The following PCDHGA11 variants were observed in gnomAD, a reference collection of about 807,000 sequenced individuals.
PCDHGA11 encodes the protein protocadherin gamma subfamily A, 11, also known as protocadherin gamma-A11.
In PCDHGA11, 39 loss-of-function variants were observed where a neutral mutation model predicts 60.4. The ratio of observed to expected loss-of-function variants is 0.65; its 90% CI spans 0.50 to 0.84. The LOEUF is 0.84. Among genes scored for constraint, PCDHGA11 ranks in the 40% least tolerant of loss-of-function variants. PCDHGA11 has a pLI of 0.00. For synonymous variants in PCDHGA11, 533 were observed against 510.3 expected, an observed-to-expected ratio of 1.04 and a Z score of -0.60; for missense variants, 1,165 against 1,197.7, an observed-to-expected ratio of 0.97 and a Z score of 0.40.
chr5:141,480,599 C>A (rs1202373543), intron 1 of PCDHGA11, among the ~76,000 whole-genome samples: 1 of 141,438 alleles, frequency 7.1e-6, no homozygotes, highest in East Asian at 1.9e-4. Flanking sequence ...TCTGGTCAGC[C>A]TGGAAAGCAA....
At position 141,421,875 on chromosome 5, in the gene PCDHGA11, A is replaced by C. The variant is rs1345376105; in HGVS notation, c.648A>C (p.Leu216Phe). 1.2e-6 allele frequency: 2 copies of C among 1,613,648 alleles called. No homozygotes were observed. The highest frequency in any genetic ancestry group is 2.2e-5 in the South Asian group (2 of 91,086). ...EAAHLLLLTA[L>F]DGGDPIRKGA... ...CTCACCTGCTCCTCCTCACAGCTTT[A>C]GATGGAGGCGATCCCATCCGAAAGG... The change falls in exon 1 of 4, where the codon TTA becomes TTC. Residue 216 changes from leucine (L) to phenylalanine (F), a missense_variant. Coordinates refer to ENST00000398587, the MANE Select transcript of PCDHGA11 (RefSeq NM_018914.3).
Position 141,486,734 on chromosome 5 carries a change from C to A in PCDHGA11, c.2434-8073C>A. ...CCAGACAGGAGCTGTTCATGCTACT[C>A]GATCCTTTGACTATGAGCAAACCCA... On this transcript the variant is annotated intron_variant, in intron 1 of 3. Transcript: ENST00000398587. The surrounding 1 kb of genome is among the most constrained non-coding windows in gnomAD (Gnocchi z 5.0). The A allele has an allele frequency of 1.2e-6, 2 of 1,614,188 alleles. No homozygotes were observed. Among genetic ancestry groups the A allele is most frequent in the Non-Finnish European group, 1.7e-6 (2 of 1,180,040 alleles).
Position 141,486,177 on chromosome 5 carries a change from G to A in PCDHGA11, c.2434-8630G>A. The A allele has an allele frequency of 6.2e-7, 1 of 1,614,222 alleles. No individual in the cohort carries two copies. Among genetic ancestry groups the A allele is most frequent in the Non-Finnish European group, 8.5e-7 (1 of 1,180,042 alleles). ...TCTCCAGCCATGGAGCAACATTGCA[G>A]CCTTCGAGTGGATCTGCTGGACGTA... On this transcript the variant is annotated intron_variant, in intron 1 of 3. Coordinates refer to ENST00000398587, the MANE Select transcript of PCDHGA11 (RefSeq NM_018914.3). The surrounding 1 kb of genome is among the most constrained non-coding windows in gnomAD (Gnocchi z 5.0).
intron 1 of PCDHGA11, among the ~76,000 whole-genome samples, chr5:141,457,224 A>G (rs1176186371): frequency 6.6e-6 from 1 of 152,158 alleles, no homozygotes; most frequent in African/African-American, 2.4e-5. Flanking sequence ...GTGGTAGGTA[A>G]TTTCCATCTA....
chr5:141,505,118 C>T (rs544825360), intron 2 of PCDHGA11, among the ~76,000 whole-genome samples: 32 of 152,222 alleles, frequency 2.1e-4, no homozygotes, highest in African/African-American at 7.5e-4. Flanking sequence ...GCCAAGATCG[C>T]GCCACTGCAC....
chr5:141,449,263 AC>A (rs1308401244), intron 1 of PCDHGA11, among the ~76,000 whole-genome samples: 3 of 152,152 alleles, frequency 2.0e-5, no homozygotes, highest in African/African-American at 7.2e-5. Flanking sequence ...TGTACAAAGA[AC>A]TGTATCTCCT....
chr5:141,492,460 G>T (rs2099740851), intron 1 of PCDHGA11, among the ~76,000 whole-genome samples: 1 of 152,218 alleles, frequency 6.6e-6, no homozygotes, highest in African/African-American at 2.4e-5. Flanking sequence ...GCGCGCCTGA[G>T]GGTCCCAGAT....
chr5:141,437,956 T>A (rs998689841), intron 1 of PCDHGA11, among the ~76,000 whole-genome samples: 6 of 152,178 alleles, frequency 3.9e-5, no homozygotes, highest in African/African-American at 1.4e-4. Context: ...CAGAATGGTC[T>A]TGATCTCTTG....
intron 1 of PCDHGA11, among the ~76,000 whole-genome samples, chr5:141,456,935 C>T (rs894385178): frequency 5.9e-5 from 9 of 152,178 alleles, no homozygotes; most frequent in African/African-American, 2.2e-4. Context: ...TGCACTCCAG[C>T]CTGGGCAACA....
chr5:141,503,400 A>C (rs2099819725), intron 2 of PCDHGA11, among the ~76,000 whole-genome samples: 1 of 151,750 alleles, frequency 6.6e-6, no homozygotes, highest in Non-Finnish European at 1.5e-5. Context: ...TTCGAAACCA[A>C]CCTGGCCAAT....
At chr5:141,498,632 A>G (rs2099784830) in intron 2 of PCDHGA11, among the ~76,000 whole-genome samples, 1 of 152,118 alleles carries the variant, frequency 6.6e-6, no homozygotes, top group South Asian at 2.1e-4. Context: ...CACTGCCTAG[A>G]CAGAAGGAAG....
At chr5:141,426,825 A>G (rs747894160) in intron 1 of PCDHGA11, 26 of 456,582 alleles carry the variant, frequency 5.7e-5, no homozygotes, top group Non-Finnish European at 9.3e-5. Context: ...CTCTCTGATG[A>G]TGGACAAGAC....
intron 2 of PCDHGA11, among the ~76,000 whole-genome samples, chr5:141,504,259 G>A (rs1325093588): frequency 6.6e-6 from 1 of 152,126 alleles, no homozygotes; most frequent in Non-Finnish European, 1.5e-5. Flanking sequence ...TTATGGTTTA[G>A]TATTTTTTTA....
rs765751691 is a variant in PCDHGA11 at position 141,431,363 on chromosome 5, C to G, written c.2433+7703C>G. The G allele has an allele frequency of 6.2e-7, 1 of 1,614,024 alleles. No individual in the cohort carries two copies. The highest frequency in any genetic ancestry group is 2.2e-5 in the East Asian group (1 of 44,882). ...ATTGGTGCTGAAACGCGCCCTGGAC[C>G]GCGAAGAAAAGGCTGCTCACCACCT... is the stretch of plus-strand genomic sequence containing the variant. On this transcript the variant is annotated intron_variant, in intron 1 of 3. Transcript: ENST00000398587. This position sits in a 1 kb window ranked among gnomAD's most constrained non-coding sequence, Gnocchi z 4.8.
At chr5:141,430,680 C>G (rs990086941) in intron 1 of PCDHGA11, 8 of 1,343,124 alleles carry the variant, frequency 6.0e-6, no homozygotes, top group Non-Finnish European at 8.0e-6. Context: ...TCCCAACTGT[C>G]CCATTCTATG....
chr5:141,422,398 C>T lies in PCDHGA11; in HGVS notation c.1171C>T (p.Leu391=), dbSNP rs2096646163. Residue 391 remains leucine, a synonymous_variant, in exon 1 of 4, where the codon CTG becomes TTG. Transcript: ENST00000398587. Reference sequence around the variant, plus strand: ...AGTCTCCTGTTTTATTCCTAACCACCTGCCTTTTAAATTAGAAAAGACTTA... The same window carrying T: ...AGTCTCCTGTTTTATTCCTAACCACTTGCCTTTTAAATTAGAAAAGACTTA... ...GQVSCFIPNH[L]PFKLEKTYGN... The T allele has an allele frequency of 1.9e-6, 3 of 1,597,634 alleles. No individual in the cohort carries two copies. In the Admixed American group the frequency reaches 5.3e-5, roughly 28 times the overall value.
chr5:141,497,824 T>G (rs1164705269), intron 2 of PCDHGA11, among the ~76,000 whole-genome samples: 1 of 152,086 alleles, frequency 6.6e-6, no homozygotes, highest in African/African-American at 2.4e-5. Flanking sequence ...ACAGGTGTGA[T>G]CGCCCCCGGC....
intron 1 of PCDHGA11, chr5:141,427,093 G>A (rs1446677593): frequency 2.2e-6 from 1 of 458,122 alleles, no homozygotes. Flanking sequence ...CAGGATGAGG[G>A]TGTCAATGCG....
At chr5:141,475,715 C>T (rs989484033) in intron 1 of PCDHGA11, among the ~76,000 whole-genome samples, 1 of 152,366 alleles carries the variant, frequency 6.6e-6, no homozygotes, top group African/African-American at 2.4e-5. Context: ...AGCCTCACAG[C>T]CCCAAGGCTG....
Sources: allele counts gnomAD v4.1 joint callset (sites outside exome capture counted in the v4.1 genomes callset), GRCh38; gene constraint gnomAD v4.1.1; non-coding constraint Gnocchi (gnomAD v3.1); transcripts MANE v1.5; gene names NCBI Gene and HGNC (gene_info 2026-07-23, HGNC 2026-07-21).